ASTN2: variants seen among roughly 807,000 people sequenced by gnomAD.
ASTN2 encodes astrotactin 2.
ASTN2 carries 54 observed loss-of-function variants against 139.8 expected under a neutral mutation model. That is an observed-to-expected ratio of 0.39 (90% confidence interval 0.31 to 0.48). The LOEUF (loss-of-function observed/expected upper bound fraction) is 0.48. Ranked by LOEUF, ASTN2 falls within the 20% of genes least tolerant of loss-of-function variation. The pLI is 0.95. For missense variants in ASTN2, 1,565 were observed against 1,725.1 expected (o/e 0.91, Z 1.64); for synonymous variants, 756 against 719.5 (o/e 1.05, Z -0.81).
intron 16 of ASTN2, among the ~76,000 whole-genome samples, chr9:116,667,855 T>G (rs1322996302): frequency 7.9e-6 from 1 of 126,794 alleles, no homozygotes; most frequent in Non-Finnish European, 1.6e-5. Context: ...GCTTCCCCTG[T>G]CATCAACATC....
intron 16 of ASTN2, among the ~76,000 whole-genome samples, chr9:116,686,158 AAG>A (rs1451980211): frequency 3.3e-5 from 5 of 152,158 alleles, no homozygotes; most frequent in Admixed American, 2.6e-4. Context: ...AATGGGGAGA[AAG>A]AGTAAACAAG....
At chr9:117,376,508 G>A (rs1024535565) in intron 1 of ASTN2, among the ~76,000 whole-genome samples, 1 of 152,198 alleles carries the variant, frequency 6.6e-6, no homozygotes, top group Non-Finnish European at 1.5e-5. Context: ...CTGCCACTTT[G>A]CATTTTAGGA....
intron 5 of ASTN2, among the ~76,000 whole-genome samples, chr9:117,094,272 G>A (rs865942290): frequency 1.3e-5 from 2 of 152,042 alleles, no homozygotes; most frequent in Non-Finnish European, 1.5e-5. Context: ...AAAGAATGAA[G>A]GGATGGAAGG....
chr9:116,921,405 G>A (rs570228339), intron 10 of ASTN2, among the ~76,000 whole-genome samples: 2 of 147,816 alleles, frequency 1.4e-5, no homozygotes, highest in African/African-American at 2.4e-5. Flanking sequence ...TGACTAACAC[G>A]GTGAAACTCT....
At chr9:116,914,304 C>G (rs1391808803) in intron 10 of ASTN2, among the ~76,000 whole-genome samples, 5 of 151,898 alleles carry the variant, frequency 3.3e-5, no homozygotes, top group African/African-American at 1.2e-4. Context: ...GGCCCCAGTG[C>G]TTCATCTGCA....
intron 1 of ASTN2, among the ~76,000 whole-genome samples, chr9:117,347,151 G>T (rs892027987): frequency 6.6e-6 from 1 of 151,962 alleles, no homozygotes; most frequent in African/African-American, 2.4e-5. Flanking sequence ...TGGGAGTGAG[G>T]TCAAGAAGAA....
At chr9:117,050,375 T>A (rs375885266) in intron 5 of ASTN2, among the ~76,000 whole-genome samples, 1 of 152,132 alleles carries the variant, frequency 6.6e-6, no homozygotes, top group Non-Finnish European at 1.5e-5. Flanking sequence ...GAGAATAACA[T>A]TGATTGTGTA....
intron 19 of ASTN2, among the ~76,000 whole-genome samples, chr9:116,524,381 T>A (rs1199842215): frequency 6.6e-6 from 1 of 151,956 alleles, no homozygotes; most frequent in African/African-American, 2.4e-5. Flanking sequence ...CCAACATAGG[T>A]GAAAATGTTT....
chr9:117,218,087 A>G (rs1423916957), intron 2 of ASTN2, among the ~76,000 whole-genome samples: 2 of 152,222 alleles, frequency 1.3e-5, no homozygotes, highest in Admixed American at 6.5e-5. Flanking sequence ...AAGCCTACTT[A>G]GCCCCTGCTC....
intron 1 of ASTN2, among the ~76,000 whole-genome samples, chr9:117,314,429 AC>A (rs1162271984): frequency 1.3e-5 from 2 of 150,308 alleles, no homozygotes; most frequent in Admixed American, 6.7e-5. Context: ...AATATAGCCC[AC>A]CCCCCCAATT....
intron 13 of ASTN2, among the ~76,000 whole-genome samples, chr9:116,769,889 A>AAT (rs950367061): frequency 3.8e-5 from 5 of 131,550 alleles, no homozygotes; most frequent in Admixed American, 8.8e-5. Flanking sequence ...TACAAAATTA[A>AAT]ATATATATAT....
intron 3 of ASTN2, among the ~76,000 whole-genome samples, chr9:117,154,370 C>T (rs1483341272): frequency 1.3e-5 from 2 of 151,898 alleles, no homozygotes; most frequent in African/African-American, 4.8e-5. Context: ...AACAAAAACA[C>T]AAGCAGGAAG....
intron 3 of ASTN2, among the ~76,000 whole-genome samples, chr9:117,156,986 A>ACACAGACAT (rs1421111057): frequency 3.3e-5 from 5 of 152,096 alleles, no homozygotes; most frequent in African/African-American, 1.2e-4. Context: ...CAGCACATAC[A>ACACAGACAT]CACAGACATA....
intron 16 of ASTN2, among the ~76,000 whole-genome samples, chr9:116,702,841 G>A (rs1385467494): frequency 6.6e-6 from 1 of 152,076 alleles, no homozygotes; most frequent in Non-Finnish European, 1.5e-5. Flanking sequence ...ACCTACTGTG[G>A]GCCAGTGTAC....
intron 3 of ASTN2, among the ~76,000 whole-genome samples, chr9:117,165,692 T>C (rs1830655315): frequency 6.6e-6 from 1 of 152,022 alleles, no homozygotes; most frequent in Non-Finnish European, 1.5e-5. Context: ...TATTTAAAAT[T>C]CCAGTGGCAA....
intron 20 of ASTN2, among the ~76,000 whole-genome samples, chr9:116,460,186 T>A (rs1848444803): frequency 6.6e-6 from 1 of 152,070 alleles, no homozygotes; most frequent in African/African-American, 2.4e-5. Flanking sequence ...TTATATGAAA[T>A]GTCCACAATA....
intron 10 of ASTN2, among the ~76,000 whole-genome samples, chr9:116,925,812 C>T (rs1465432029): frequency 2.0e-5 from 3 of 151,810 alleles, no homozygotes; most frequent in Non-Finnish European, 4.4e-5. Context: ...ACCTCACCTT[C>T]CCTGAACTAT....
intron 1 of ASTN2, among the ~76,000 whole-genome samples, chr9:117,316,748 G>A (rs1038354431): frequency 6.6e-6 from 1 of 152,266 alleles, no homozygotes; most frequent in East Asian, 1.9e-4. Context: ...GGGCCTCATA[G>A]GGAGAAGAAT....
At chr9:117,328,822 G>A (rs902650224) in intron 1 of ASTN2, among the ~76,000 whole-genome samples, 14 of 152,218 alleles carry the variant, frequency 9.2e-5, no homozygotes, top group East Asian at 3.8e-4. Context: ...GCAACAGGTC[G>A]CTGTGAGAAG....
Sources: gnomAD v4.1 joint callset for allele counts (sites outside exome capture counted in the v4.1 genomes callset) on GRCh38, gnomAD v4.1.1 for gene constraint, MANE v1.5 for transcripts, NCBI Gene and HGNC (gene_info 2026-07-23, HGNC 2026-07-21) for gene names.